ADAMTSL1: variants seen among roughly 807,000 people sequenced by gnomAD.
ADAMTSL1 encodes ADAMTS like 1.
A neutral mutation model predicts 201.8 loss-of-function variants in ADAMTSL1; 126 were observed. The ratio of observed to expected loss-of-function variants is 0.62; its 90% confidence interval spans 0.54 to 0.72. The LOEUF is 0.72. ADAMTSL1 is among the 30% of genes least tolerant of loss of function. The pLI, the probability that ADAMTSL1 is intolerant of heterozygous loss-of-function variation, is 0.00. For missense variants in ADAMTSL1, 2,679 were observed against 2,277.8 expected (o/e 1.18, Z -3.59); for synonymous variants, 1,121 against 903.4 (o/e 1.24, Z -4.32).
chr9:18,429,429 G>A (rs1235054395), intron 2 of ADAMTSL1, among the ~76,000 whole-genome samples: 2 of 152,140 alleles, frequency 1.3e-5, no homozygotes, highest in Non-Finnish European at 2.9e-5. Context: ...ATCTGGATAT[G>A]TCTGATGTGT....
At position 18,809,776 on chromosome 9, in the gene ADAMTSL1, C is replaced by T. The variant is rs184828307; in HGVS notation, c.3806-7333C>T. 2.6e-4 allele frequency among the ~76,000 whole-genome samples: 40 copies of T among 151,794 alleles called. No individual in the cohort carries two copies. In the East Asian group the frequency reaches 6.6e-3, roughly 25 times the overall value. ...TGCACTCCAGCCTGGGCAACAAGAG[C>T]GAAACTCCATCTCAAAAACAAAAAA... On this transcript the variant is annotated intron_variant, in intron 20 of 28. Coordinates refer to ENST00000380548, the MANE Select transcript of ADAMTSL1 (RefSeq NM_001040272.6).
chr9:18,179,333 A>G (rs919783016), intron 2 of ADAMTSL1, among the ~76,000 whole-genome samples: 4 of 152,206 alleles, frequency 2.6e-5, no homozygotes, highest in Non-Finnish European at 5.9e-5. Flanking sequence ...AGAAAAAAGA[A>G]TAAAAAGAAA....
chr9:18,898,732 C>T (rs1335645855), intron 26 of ADAMTSL1, among the ~76,000 whole-genome samples: 1 of 152,122 alleles, frequency 6.6e-6, no homozygotes, highest in Non-Finnish European at 1.5e-5. Context: ...CACAGGAAAG[C>T]CCTTTAATAA....
chr9:18,857,788 T>A (rs1429738460), intron 23 of ADAMTSL1, among the ~76,000 whole-genome samples: 1 of 152,220 alleles, frequency 6.6e-6, no homozygotes, highest in Admixed American at 6.5e-5. Context: ...CAATGGGCTA[T>A]AATCTATGCT....
At chr9:18,305,746 C>G (rs912421105) in intron 2 of ADAMTSL1, among the ~76,000 whole-genome samples, 1 of 152,204 alleles carries the variant, frequency 6.6e-6, no homozygotes, top group Non-Finnish European at 1.5e-5. Context: ...CCTTGGGACA[C>G]AGCACTTGGG....
At chr9:18,691,024 G>A (rs1014763076) in intron 13 of ADAMTSL1, among the ~76,000 whole-genome samples, 1 of 152,182 alleles carries the variant, frequency 6.6e-6, no homozygotes, top group African/African-American at 2.4e-5. Context: ...CTTATCACAA[G>A]AGCAATAGGA....
At chr9:18,314,358 T>C (rs1186976779) in intron 2 of ADAMTSL1, among the ~76,000 whole-genome samples, 1 of 152,168 alleles carries the variant, frequency 6.6e-6, no homozygotes, top group Non-Finnish European at 1.5e-5. Flanking sequence ...AGAATGAAGC[T>C]GTGGACCCTT....
At chr9:18,578,418 A>G (rs1380047731) in intron 4 of ADAMTSL1, among the ~76,000 whole-genome samples, 2 of 152,074 alleles carry the variant, frequency 1.3e-5, no homozygotes, top group Non-Finnish European at 2.9e-5. Flanking sequence ...TTATTTGCTC[A>G]CTATCATTCT....
At chr9:18,838,793 G>A (rs1231815125) in intron 23 of ADAMTSL1, among the ~76,000 whole-genome samples, 1 of 151,492 alleles carries the variant, frequency 6.6e-6, no homozygotes, top group Non-Finnish European at 1.5e-5. Flanking sequence ...CTGGAGGGAG[G>A]CTGCAAGTGA....
chr9:18,812,945 G>C (rs907119508), intron 20 of ADAMTSL1, among the ~76,000 whole-genome samples: 1 of 150,762 alleles, frequency 6.6e-6, no homozygotes, highest in Admixed American at 6.6e-5. Flanking sequence ...AAATTAGGTG[G>C]TGTGATGCTT....
intron 1 of ADAMTSL1, among the ~76,000 whole-genome samples, chr9:17,978,346 C>CT (rs760495328): frequency 7.2e-4 from 109 of 151,908 alleles, no homozygotes; most frequent in African/African-American, 2.4e-3. Context: ...TGTTTTCTGG[C>CT]TTTTTTGTAG....
rs1817966405 is a variant in ADAMTSL1 at position 18,401,094 on chromosome 9, G to A, written c.208-103735G>A. ...GAGAGACTGTGGCCATTAACCAACT[G>A]TGGTTTAAGTATTTTATTTCTGTGA... On this transcript the variant is annotated intron_variant, in intron 2 of 29. Transcript: ENST00000680146. Among the ~76,000 whole-genome samples the A allele has an allele frequency of 2.6e-5, 4 of 152,222 alleles. No homozygotes were observed. The South Asian group carries it at 8.3e-4, about 32-fold the overall frequency.
At chr9:18,741,509 T>C (rs894665689) in intron 15 of ADAMTSL1, among the ~76,000 whole-genome samples, 8 of 152,244 alleles carry the variant, frequency 5.3e-5, no homozygotes, top group Non-Finnish European at 1.2e-4. Context: ...AAGATTTCTA[T>C]TTGCAATGTA....
chr9:18,218,640 A>C (rs957695369), intron 2 of ADAMTSL1, among the ~76,000 whole-genome samples: 1 of 152,036 alleles, frequency 6.6e-6, no homozygotes, highest in Non-Finnish European at 1.5e-5. Context: ...TTATTGATTT[A>C]TATGCATTCT....
chr9:18,171,948 A>G (rs1827913606), intron 2 of ADAMTSL1, among the ~76,000 whole-genome samples: 1 of 152,046 alleles, frequency 6.6e-6, no homozygotes, highest in Non-Finnish European at 1.5e-5. Flanking sequence ...TCCTTTCCCC[A>G]TTTCTTGTTT....
chr9:18,767,865 C>G (rs1055126250), intron 16 of ADAMTSL1, among the ~76,000 whole-genome samples: 1 of 152,234 alleles, frequency 6.6e-6, no homozygotes, highest in Non-Finnish European at 1.5e-5. Flanking sequence ...TTACTTGAAT[C>G]ATTAGCTCTG....
At chr9:18,243,232 A>G (rs1831135318) in intron 2 of ADAMTSL1, among the ~76,000 whole-genome samples, 1 of 152,166 alleles carries the variant, frequency 6.6e-6, no homozygotes, top group Non-Finnish European at 1.5e-5. Context: ...CAATGGTGAA[A>G]GAAGAGTCTC....
intron 3 of ADAMTSL1, among the ~76,000 whole-genome samples, chr9:18,564,907 A>G (rs578001017): frequency 6.6e-6 from 1 of 152,334 alleles, no homozygotes. Flanking sequence ...ATGACAAACT[A>G]CAACCAGTCT....
intron 3 of ADAMTSL1, among the ~76,000 whole-genome samples, chr9:18,571,344 G>C (rs1822285494): frequency 6.6e-6 from 1 of 152,124 alleles, no homozygotes; most frequent in Admixed American, 6.5e-5. Context: ...AGAAAAAGGA[G>C]GCAAAGGAAA....
Sources: allele counts gnomAD v4.1 joint callset (sites outside exome capture counted in the v4.1 genomes callset), GRCh38; gene constraint gnomAD v4.1.1; transcripts MANE v1.5; gene names NCBI Gene and HGNC (gene_info 2026-07-23, HGNC 2026-07-21).